The following KCNQ5 variants were observed in gnomAD, a reference collection of about 807,000 sequenced individuals.
KCNQ5 encodes potassium voltage-gated channel subfamily KQT member 5.
A neutral mutation model predicts 98.2 loss-of-function variants in KCNQ5; 30 were observed. The observed-to-expected ratio is 0.31, with a 90% confidence interval of 0.23 to 0.41. The LOEUF (loss-of-function observed/expected upper bound fraction) is 0.41. Ranked by LOEUF, KCNQ5 falls within the 10% of genes least tolerant of loss-of-function variation. The pLI is 1.00. For synonymous variants in KCNQ5, 458 were observed against 449.4 expected, an observed-to-expected ratio of 1.02 and a Z score of -0.24; for missense variants, 835 against 1,182.5, an observed-to-expected ratio of 0.71 and a Z score of 4.31.
chr6:72,987,514 C>G (rs1334112646), intron 1 of KCNQ5: 1 of 659,274 alleles, frequency 1.5e-6, no homozygotes, highest in Non-Finnish European at 2.9e-6. Flanking sequence ...CTGTCCCCTT[C>G]GTTCAGCCGC....
rs144334263 is a variant in KCNQ5 at position 72,711,589 on chromosome 6, C to G, written c.398+89002C>G. 5.1e-3 allele frequency among the ~76,000 whole-genome samples: 776 copies of G among 152,120 alleles called. 12 individuals are homozygous for G. The highest frequency in any genetic ancestry group is 0.017 in the African/African-American group (720 of 41,502). ...CTCTGCGAAGGATTTTGGCCTTTAT[C>G]CTAAAGGGCTGACATGATTTGATCT... On this transcript the variant is annotated intron_variant, in intron 1 of 13. Transcript: ENST00000370398.
intron 1 of KCNQ5, among the ~76,000 whole-genome samples, chr6:72,666,817 A>G (rs1056255574): frequency 4.6e-5 from 7 of 152,212 alleles, no homozygotes; most frequent in Non-Finnish European, 8.8e-5. Context: ...CCAGTAAGAA[A>G]CTTATTAAGT....
intron 1 of KCNQ5, among the ~76,000 whole-genome samples, chr6:72,627,940 G>T (rs769881413): frequency 7.2e-5 from 11 of 152,032 alleles, no homozygotes; most frequent in Non-Finnish European, 1.5e-4. Flanking sequence ...GATGAGTTAG[G>T]TGCCCCTTCT....
intron 2 of KCNQ5, among the ~76,000 whole-genome samples, chr6:73,033,187 C>G (rs984925349): frequency 2.6e-5 from 4 of 152,108 alleles, no homozygotes; most frequent in Non-Finnish European, 5.9e-5. Context: ...CTGTTCCCAC[C>G]TCTTTTCCCC....
intron 7 of KCNQ5, among the ~76,000 whole-genome samples, chr6:73,113,143 G>A (rs1775322046): frequency 6.6e-6 from 1 of 152,090 alleles, no homozygotes; most frequent in Non-Finnish European, 1.5e-5. Context: ...GAATTCATAG[G>A]CTTTCATCCT....
At chr6:72,861,635 T>G (rs1777766373) in intron 1 of KCNQ5, among the ~76,000 whole-genome samples, 1 of 152,046 alleles carries the variant, frequency 6.6e-6, no homozygotes, top group South Asian at 2.1e-4. Context: ...AAAAGGAAAT[T>G]AATGGAGCTT....
intron 1 of KCNQ5, among the ~76,000 whole-genome samples, chr6:72,726,105 TAA>T (rs57711571): frequency 6.8e-6 from 1 of 148,148 alleles, no homozygotes; most frequent in Non-Finnish European, 1.5e-5. Context: ...TGATGTTTGG[TAA>T]AAAAAAAAAT....
At chr6:73,054,875 A>G (rs955567670) in intron 3 of KCNQ5, among the ~76,000 whole-genome samples, 9 of 152,238 alleles carry the variant, frequency 5.9e-5, no homozygotes, top group Admixed American at 2.6e-4. Context: ...TATAAAAGCC[A>G]TCTGAATAGA....
intron 12 of KCNQ5, 32 bp downstream of exon 12, chr6:73,190,736 G>T: frequency 6.8e-7 from 1 of 1,479,578 alleles, no homozygotes; most frequent in South Asian, 1.4e-5. Context: ...CCTTGTAAAG[G>T]AATGGGCATA....
At chr6:72,844,004 C>G (rs919271585) in intron 1 of KCNQ5, among the ~76,000 whole-genome samples, 39 of 152,206 alleles carry the variant, frequency 2.6e-4, no homozygotes, top group African/African-American at 8.9e-4. Flanking sequence ...CAGGGCCTGT[C>G]AGTGGGCTGG....
chr6:72,635,034 CT>C lies in KCNQ5; in HGVS notation c.398+12461del, dbSNP rs1182687944. On this transcript the variant is annotated intron_variant, in intron 1 of 13. Coordinates refer to ENST00000370398, the MANE Select transcript of KCNQ5 (RefSeq NM_019842.4). ...TGAATAATAATTTGTTCCCCTCACC[CT>C]TTTTTTTTTTTTTGAGACAGAGTCT... Among the ~76,000 whole-genome samples the C allele has an allele frequency of 3.0e-3, 425 of 142,702 alleles. 2 individuals are homozygous for C. The highest frequency in any genetic ancestry group is 7.3e-3 in the Middle Eastern group (2 of 274). The allele number at this position is 142,702 out of a possible 152,430, so 93.6% of individuals were successfully genotyped here.
rs1365037225 is a variant in KCNQ5, at chr6:72,739,885, CTATTA to C, written c.398+117304_398+117308del. ...ATATTTATAGCACTGTAAGTTTAGGCTATTATATTAATTATCTATCTCTGGGTAAC... is the reference window on the plus strand; with the variant it reads ...ATATTTATAGCACTGTAAGTTTAGGCTATTAATTATCTATCTCTGGGTAAC... On this transcript the variant is annotated intron_variant, in intron 1 of 13. Transcript: ENST00000370398. 2.6e-5 allele frequency among the ~76,000 whole-genome samples: 4 copies of C among 152,094 alleles called. No homozygotes were observed. In the South Asian group the frequency reaches 8.3e-4, roughly 32 times the overall value.
At chr6:73,160,865 C>A (rs1777593241) in intron 10 of KCNQ5, among the ~76,000 whole-genome samples, 1 of 114,222 alleles carries the variant, frequency 8.8e-6, no homozygotes, top group South Asian at 2.7e-4. Context: ...TGAGAGCATC[C>A]TCATTATTGG....
At chr6:72,745,408 A>G (rs570419826) in intron 1 of KCNQ5, among the ~76,000 whole-genome samples, 1 of 152,324 alleles carries the variant, frequency 6.6e-6, no homozygotes, top group South Asian at 2.1e-4. Context: ...ACTCCTTGCA[A>G]TTTCTAGGAG....
Position 72,897,456 on chromosome 6 carries a change from C to T in KCNQ5, c.399-106452C>T, listed in dbSNP as rs550702081. On this transcript the variant is annotated intron_variant, in intron 1 of 13. Coordinates refer to ENST00000370398, the MANE Select transcript of KCNQ5 (RefSeq NM_019842.4). ...TCTTGGGAGGCTGAAGCAGGAGGAT[C>T]GCTTGAACCTGGGAGACAGCTGTTG... 2.6e-3 allele frequency among the ~76,000 whole-genome samples: 394 copies of T among 152,198 alleles called. 1 individual carries two copies. Among genetic ancestry groups the T allele is most frequent in the African/African-American group, 9.3e-3 (385 of 41,546 alleles).
At chr6:72,942,708 A>G (rs1396317622) in intron 1 of KCNQ5, among the ~76,000 whole-genome samples, 1 of 152,182 alleles carries the variant, frequency 6.6e-6, no homozygotes, top group East Asian at 1.9e-4. Flanking sequence ...CTGTGGTGCT[A>G]TGGGGACTCT....
At position 72,705,911 on chromosome 6, in the gene KCNQ5, A is replaced by G. The variant is rs185626365; in HGVS notation, c.398+83324A>G. The stretch of plus-strand genomic sequence containing the variant: ...ATTTTTTTGGGTATTGCTTCTTACC[A>G]AAAAGAAATGAGATTTGTGTGTGTG... On this transcript the variant is annotated intron_variant, in intron 1 of 13. Coordinates refer to ENST00000370398, the MANE Select transcript of KCNQ5 (RefSeq NM_019842.4). 3.6e-3 allele frequency among the ~76,000 whole-genome samples: 551 copies of G among 152,192 alleles called. 3 individuals are homozygous for G. The highest frequency in any genetic ancestry group is 6.8e-3 in the Non-Finnish European group (461 of 67,922).
intron 2 of KCNQ5, among the ~76,000 whole-genome samples, chr6:73,038,213 T>C (rs1390265943): frequency 6.6e-6 from 1 of 152,046 alleles, no homozygotes; most frequent in East Asian, 1.9e-4. Context: ...TTAATTTTTA[T>C]ATTGATCATA....
chr6:72,818,944 T>G (rs1396265030), intron 1 of KCNQ5, among the ~76,000 whole-genome samples: 1 of 151,834 alleles, frequency 6.6e-6, no homozygotes, highest in Non-Finnish European at 1.5e-5. Context: ...ATATGCTTTG[T>G]TAGACATGTT....
Sources: gnomAD v4.1 joint callset for allele counts (sites outside exome capture counted in the v4.1 genomes callset) on GRCh38, gnomAD v4.1.1 for gene constraint, MANE v1.5 for transcripts, NCBI Gene and HGNC (gene_info 2026-07-23, HGNC 2026-07-21) for gene names.